Variants in KCND2 observed in about 807,000 individuals in gnomAD.
The protein encoded by KCND2 is A-type voltage-gated potassium channel KCND2.
KCND2 carries 16 observed loss-of-function variants against 54.4 expected under a neutral mutation model. The observed-to-expected ratio is 0.29, with a 90% CI of 0.20 to 0.45. The LOEUF is 0.45. Among genes scored for constraint, KCND2 ranks in the 20% least tolerant of loss-of-function variants. The probability of loss-of-function intolerance (pLI) is 1.00; values close to 1 mark genes in which losing one functional copy is unlikely to be tolerated. For synonymous variants in KCND2, 317 were observed against 310.7 expected (o/e 1.02, Z -0.21); for missense variants, 486 against 824.2 (o/e 0.59, Z 5.02).
intron 1 of KCND2, among the ~76,000 whole-genome samples, chr7:120,313,649 T>C (rs1226553229): frequency 6.6e-6 from 1 of 152,228 alleles, no homozygotes; most frequent in East Asian, 1.9e-4. Context: ...GCCTTGTTGG[T>C]AGTTTCCAAA....
intron 1 of KCND2, among the ~76,000 whole-genome samples, chr7:120,377,349 C>G (rs997261683): frequency 6.6e-6 from 1 of 151,880 alleles, no homozygotes; most frequent in Non-Finnish European, 1.5e-5. Context: ...AGAAGGCAAA[C>G]TACTAGAAGT....
At chr7:120,554,688 G>A (rs1414973679) in intron 1 of KCND2, among the ~76,000 whole-genome samples, 2 of 152,154 alleles carry the variant, frequency 1.3e-5, no homozygotes, top group African/African-American at 4.8e-5. Flanking sequence ...GATTACAGGC[G>A]TGAGCCACCG....
At chr7:120,507,367 T>C (rs975213449) in intron 1 of KCND2, among the ~76,000 whole-genome samples, 4 of 151,940 alleles carry the variant, frequency 2.6e-5, no homozygotes, top group Non-Finnish European at 5.9e-5. Flanking sequence ...CTACCTGTTC[T>C]CTTCTTCACT....
At chr7:120,532,130 T>C (rs1462873823) in intron 1 of KCND2, among the ~76,000 whole-genome samples, 2 of 152,228 alleles carry the variant, frequency 1.3e-5, no homozygotes, top group East Asian at 3.9e-4. Flanking sequence ...GCTGAATGTA[T>C]GCAATAATTC....
intron 1 of KCND2, among the ~76,000 whole-genome samples, chr7:120,484,701 G>GCGCA (rs1554359327): frequency 2.2e-5 from 3 of 137,538 alleles, no homozygotes; most frequent in African/African-American, 7.6e-5. Flanking sequence ...TATATTACAC[G>GCGCA]CACACACACA....
At chr7:120,353,995 C>A (rs1424330653) in intron 1 of KCND2, among the ~76,000 whole-genome samples, 1 of 152,076 alleles carries the variant, frequency 6.6e-6, no homozygotes, top group African/African-American at 2.4e-5. Context: ...ATTTTAGTAT[C>A]TTAATATTTT....
At chr7:120,653,843 G>C (rs773106055) in intron 1 of KCND2, among the ~76,000 whole-genome samples, 1 of 152,166 alleles carries the variant, frequency 6.6e-6, no homozygotes, top group African/African-American at 2.4e-5. Flanking sequence ...ACAAAACACA[G>C]TGAGAAGAAA....
chr7:120,469,738 T>C (rs1802426946), intron 1 of KCND2, among the ~76,000 whole-genome samples: 1 of 152,140 alleles, frequency 6.6e-6, no homozygotes, highest in Non-Finnish European at 1.5e-5. Flanking sequence ...ATCTTCCCTG[T>C]TAGACCAATT....
chr7:120,452,883 G>C (rs1329512409), intron 1 of KCND2, among the ~76,000 whole-genome samples: 3 of 152,166 alleles, frequency 2.0e-5, no homozygotes, highest in Non-Finnish European at 4.4e-5. Context: ...ATGCCCCTGA[G>C]ATGGAGCCAG....
At chr7:120,601,706 C>T (rs947952491) in intron 1 of KCND2, among the ~76,000 whole-genome samples, 13 of 152,178 alleles carry the variant, frequency 8.5e-5, no homozygotes, top group African/African-American at 3.1e-4. Context: ...CCTTGAACTA[C>T]TGTGACAGTC....
intron 1 of KCND2, among the ~76,000 whole-genome samples, chr7:120,427,875 A>G (rs1801735277): frequency 2.0e-5 from 3 of 152,110 alleles, no homozygotes; most frequent in African/African-American, 4.8e-5. Flanking sequence ...GTTCAAGACT[A>G]TCATTTTTGT....
intron 1 of KCND2, among the ~76,000 whole-genome samples, chr7:120,367,754 G>A (rs1386867778): frequency 6.6e-6 from 1 of 151,788 alleles, no homozygotes; most frequent in Non-Finnish European, 1.5e-5. Flanking sequence ...TCAGCTTGTA[G>A]TGTCAATTAG....
chr7:120,324,446 G>A (rs374992323), intron 1 of KCND2, among the ~76,000 whole-genome samples: 1 of 146,380 alleles, frequency 6.8e-6, no homozygotes, highest in African/African-American at 2.5e-5. Flanking sequence ...TAACGTTTAA[G>A]TCTTTAATCC....
rs981077956 is a variant in KCND2, at chr7:120,748,538, T to A, written c.*680T>A. On this transcript the variant is annotated 3_prime_UTR_variant, in exon 6 of 6. Coordinates refer to ENST00000331113, the MANE Select transcript of KCND2 (RefSeq NM_012281.3). ...GGGATGCTCATTAGTAAATCTAAAG[T>A]GTTCAGATAGTTCAGTATTCATTAT... is the stretch of plus-strand genomic sequence containing the variant. 4 of 152,532 alleles carry A rather than the reference T, an allele frequency of 2.6e-5. No individual in the cohort carries two copies. Among genetic ancestry groups the A allele is most frequent in the Non-Finnish European group, 4.4e-5 (3 of 67,978 alleles). The allele number at this position is 152,532 out of a possible 1,614,324, so 9.4% of individuals were successfully genotyped here. A position where few individuals can be genotyped will look rare whatever the true frequency, so the allele number is the denominator to read the frequency against.
intron 1 of KCND2, among the ~76,000 whole-genome samples, chr7:120,615,328 T>G (rs773505830): frequency 6.6e-6 from 1 of 152,238 alleles, no homozygotes; most frequent in Non-Finnish European, 1.5e-5. Flanking sequence ...GAATTTGAAC[T>G]GACAAATACT....
chr7:120,683,281 G>A (rs191903817), intron 1 of KCND2, among the ~76,000 whole-genome samples: 4 of 152,154 alleles, frequency 2.6e-5, no homozygotes, highest in African/African-American at 9.6e-5. Flanking sequence ...GATGGAGGAG[G>A]TACTCCAGTC....
At chr7:120,690,251 C>A (rs1792252420) in intron 1 of KCND2, among the ~76,000 whole-genome samples, 1 of 152,012 alleles carries the variant, frequency 6.6e-6, no homozygotes, top group Non-Finnish European at 1.5e-5. Context: ...AAAAAAAATA[C>A]CTTCTTTAGA....
chr7:120,605,274 T>G (rs1346858357), intron 1 of KCND2, among the ~76,000 whole-genome samples: 1 of 152,230 alleles, frequency 6.6e-6, no homozygotes, highest in Admixed American at 6.5e-5. Context: ...TCTATGTCTC[T>G]ATGAATTTGC....
At chr7:120,608,084 A>C (rs2116482455) in intron 1 of KCND2, among the ~76,000 whole-genome samples, 1 of 152,138 alleles carries the variant, frequency 6.6e-6, no homozygotes, top group Non-Finnish European at 1.5e-5. Context: ...GTGCCAGAAA[A>C]GTTTATCTTT....
Sources: allele counts gnomAD v4.1 joint callset (sites outside exome capture counted in the v4.1 genomes callset), GRCh38; gene constraint gnomAD v4.1.1; transcripts MANE v1.5; gene names NCBI Gene and HGNC (gene_info 2026-07-23, HGNC 2026-07-21).